DPYD: variants seen among roughly 807,000 people sequenced by gnomAD.
The protein encoded by DPYD is dihydropyrimidine dehydrogenase [NADP(+)].
DPYD carries 109 observed loss-of-function variants against 116.2 expected under a neutral mutation model. That is an observed-to-expected ratio of 0.94 (90% CI 0.80 to 1.10). DPYD has a LOEUF of 1.10. Among genes scored for constraint, DPYD ranks in the 50% least tolerant of loss-of-function variants. The pLI, the probability that DPYD is intolerant of heterozygous loss-of-function variation, is 0.00. For synonymous variants in DPYD, 440 were observed against 432.0 expected, an observed-to-expected ratio of 1.02 and a Z score of -0.23; for missense variants, 1,302 against 1,254.5, an observed-to-expected ratio of 1.04 and a Z score of -0.57.
chr1:97,406,085 C>G (rs1198663880), intron 14 of DPYD, among the ~76,000 whole-genome samples: 1 of 151,924 alleles, frequency 6.6e-6, no homozygotes, highest in Non-Finnish European at 1.5e-5. Context: ...AGAAATTCAT[C>G]AATTATAGTT....
intron 3 of DPYD, among the ~76,000 whole-genome samples, chr1:97,822,891 A>G (rs1669030370): frequency 6.6e-6 from 1 of 152,212 alleles, no homozygotes; most frequent in Non-Finnish European, 1.5e-5. Context: ...TAGTTTGCCA[A>G]TTATCTACTG....
intron 4 of DPYD, among the ~76,000 whole-genome samples, chr1:97,723,444 T>C (rs1663035983): frequency 6.6e-6 from 1 of 151,406 alleles, no homozygotes. Context: ...CATATGTTGA[T>C]GTAAACACAC....
intron 18 of DPYD, among the ~76,000 whole-genome samples, chr1:97,300,840 T>G (rs998247083): frequency 6.6e-6 from 1 of 152,050 alleles, no homozygotes; most frequent in Non-Finnish European, 1.5e-5. Context: ...AGTCGATGCC[T>G]AAAATCCCTT....
At chr1:97,849,924 ATGT>A (rs1306652740) in intron 2 of DPYD, among the ~76,000 whole-genome samples, 1 of 152,166 alleles carries the variant, frequency 6.6e-6, no homozygotes, top group East Asian at 1.9e-4. Flanking sequence ...AAAATATCAC[ATGT>A]TGTTGTTGTC....
At chr1:97,608,725 C>T (rs932501063) in intron 8 of DPYD, among the ~76,000 whole-genome samples, 6 of 151,326 alleles carry the variant, frequency 4.0e-5, no homozygotes, top group African/African-American at 1.5e-4. Flanking sequence ...AATTGGAGCA[C>T]ATTAAAATGT....
intron 20 of DPYD, among the ~76,000 whole-genome samples, chr1:97,135,712 C>T (rs892051088): frequency 1.3e-5 from 2 of 152,038 alleles, no homozygotes; most frequent in African/African-American, 2.4e-5. Context: ...TATGGTAGAA[C>T]AGGATTTCTT....
At chr1:97,401,756 T>C (rs1577896) in intron 14 of DPYD, among the ~76,000 whole-genome samples, 11,277 of 152,214 alleles carry the variant, frequency 0.074, 565 homozygotes, top group East Asian at 0.17. Context: ...GTAGGAATTT[T>C]ATATTTTTGT....
intron 14 of DPYD, among the ~76,000 whole-genome samples, chr1:97,436,995 T>C (rs1015214919): frequency 1.3e-5 from 2 of 151,834 alleles, no homozygotes; most frequent in African/African-American, 4.8e-5. Context: ...GGAAGTATAC[T>C]TCTATATATG....
chr1:97,303,150 T>C (rs1414045316), intron 18 of DPYD, among the ~76,000 whole-genome samples: 2 of 151,950 alleles, frequency 1.3e-5, no homozygotes, highest in Admixed American at 6.6e-5. Flanking sequence ...ATAATAACAA[T>C]TGAATAAACA....
Position 97,803,686 on chromosome 1 carries a change from T to C in DPYD, c.233+24428A>G, listed in dbSNP as rs375092103. ...AAAGACTACAAAGTTCCCCTTCTGATTATTAAATGAAATATGGCTGAAAAG... is the reference window on the plus strand; with the variant it reads ...AAAGACTACAAAGTTCCCCTTCTGACTATTAAATGAAATATGGCTGAAAAG... On this transcript the variant is annotated intron_variant, in intron 3 of 22. Transcript: ENST00000370192. Among the ~76,000 whole-genome samples the C allele has an allele frequency of 7.2e-5, 11 of 151,912 alleles. No individual in the cohort carries two copies. In the East Asian group the frequency reaches 9.6e-4, roughly 13 times the overall value.
At chr1:97,304,190 T>C (rs565556233) in intron 18 of DPYD, among the ~76,000 whole-genome samples, 23 of 152,056 alleles carry the variant, frequency 1.5e-4, no homozygotes, top group African/African-American at 4.8e-4. Flanking sequence ...ACAGAAAACA[T>C]AGTGCATGTT....
Position 97,549,781 on chromosome 1 carries a change from G to A in DPYD, c.1340-37C>T, listed in dbSNP as rs1328387483. On this transcript the variant is annotated intron_variant, in intron 11 of 22. Coordinates refer to ENST00000370192, the MANE Select transcript of DPYD (RefSeq NM_000110.4). The stretch of plus-strand genomic sequence containing the variant: ...AGTGAAAAACAATAGACAATCACTA[G>A]TCAACAGACAATTCCATAACAATAA... The A allele has an allele frequency of 6.5e-6, 10 of 1,540,702 alleles. No individual in the cohort carries two copies. The Admixed American group carries it at 1.2e-4, about 18-fold the overall frequency.
intron 16 of DPYD, among the ~76,000 whole-genome samples, chr1:97,357,238 T>C (rs997918243): frequency 6.6e-6 from 1 of 152,182 alleles, no homozygotes; most frequent in East Asian, 1.9e-4. Context: ...TCTCACCTCC[T>C]TGGTTAAATG....
At chr1:97,281,170 A>C (rs1665297181) in intron 18 of DPYD, among the ~76,000 whole-genome samples, 1 of 152,126 alleles carries the variant, frequency 6.6e-6, no homozygotes. Flanking sequence ...GAGAAACAAA[A>C]CAAAATAAAT....
chr1:97,803,187 G>A (rs879712901), intron 3 of DPYD, among the ~76,000 whole-genome samples: 10 of 151,870 alleles, frequency 6.6e-5, no homozygotes, highest in South Asian at 4.1e-4. Flanking sequence ...TCAAACTGCC[G>A]ATTTGACGCA....
chr1:97,232,000 C>T (rs1006320933), intron 19 of DPYD, among the ~76,000 whole-genome samples: 9 of 152,210 alleles, frequency 5.9e-5, no homozygotes, highest in African/African-American at 2.2e-4. Flanking sequence ...TTTGAAGACA[C>T]TGCTCCATAT....
At chr1:97,396,749 G>C (rs1220909481) in intron 14 of DPYD, among the ~76,000 whole-genome samples, 1 of 151,926 alleles carries the variant, frequency 6.6e-6, no homozygotes, top group Admixed American at 6.6e-5. Context: ...TGTACTTTTA[G>C]ATGTCCATTC....
Position 97,459,398 on chromosome 1 carries a change from T to C in DPYD, c.1741-9175A>G, listed in dbSNP as rs534649859. Among the ~76,000 whole-genome samples, 8 of 152,264 alleles carry C rather than the reference T, an allele frequency of 5.3e-5. No individual in the cohort carries two copies. The East Asian group carries it at 7.7e-4, about 15-fold the overall frequency. ...TCCAAAGATATTGTCAGGGGTTTAA[T>C]AGAATTGATGAAGGACACCAATTCT... is the stretch of plus-strand genomic sequence containing the variant. On this transcript the variant is annotated intron_variant, in intron 13 of 22. Transcript: ENST00000370192.
chr1:97,577,239 C>T (rs932015586), intron 10 of DPYD, among the ~76,000 whole-genome samples: 6 of 152,140 alleles, frequency 3.9e-5, no homozygotes, highest in East Asian at 1.9e-4. Flanking sequence ...CCCTGCAGCA[C>T]CCCCGTTTCT....
Sources: gnomAD v4.1 joint callset for allele counts (sites outside exome capture counted in the v4.1 genomes callset) on GRCh38, gnomAD v4.1.1 for gene constraint, MANE v1.5 for transcripts, NCBI Gene and HGNC (gene_info 2026-07-23, HGNC 2026-07-21) for gene names.